LYST: variants seen among roughly 807,000 people sequenced by gnomAD.
The protein encoded by LYST is lysosomal-trafficking regulator.
In LYST, 192 loss-of-function variants were observed where a neutral mutation model predicts 413.6. The observed-to-expected ratio is 0.46, with a 90% CI of 0.41 to 0.52. The LOEUF is 0.52. LYST is among the 20% of genes least tolerant of loss of function. LYST has a pLI of 0.00. For missense variants in LYST, 3,815 were observed against 4,499.9 expected, an observed-to-expected ratio of 0.85 and a Z score of 4.35; for synonymous variants, 1,525 against 1,567.3, an observed-to-expected ratio of 0.97 and a Z score of 0.64.
intron 40 of LYST, among the ~76,000 whole-genome samples, chr1:235,717,805 A>G (rs886940127): frequency 6.6e-6 from 1 of 152,124 alleles, no homozygotes; most frequent in Non-Finnish European, 1.5e-5. Context: ...AATCATAAAA[A>G]CCTTGTTAAA....
intron 16 of LYST, among the ~76,000 whole-genome samples, chr1:235,777,694 A>C (rs961519601): frequency 9.2e-5 from 14 of 152,212 alleles, no homozygotes; most frequent in African/African-American, 3.1e-4. Context: ...AATTTATTTG[A>C]AATTTTTGCT....
At chr1:235,803,648 T>A (rs937684664) in intron 7 of LYST, among the ~76,000 whole-genome samples, 1 of 152,132 alleles carries the variant, frequency 6.6e-6, no homozygotes. Context: ...TACCTTCATT[T>A]TAGAAAACAT....
chr1:235,756,579 A>C (rs957837191), intron 24 of LYST, among the ~76,000 whole-genome samples: 1 of 152,204 alleles, frequency 6.6e-6, no homozygotes, highest in Non-Finnish European at 1.5e-5. Flanking sequence ...AGCAAACTAA[A>C]GAAAAATGAG....
intron 14 of LYST, among the ~76,000 whole-genome samples, chr1:235,784,473 C>T (rs1489048709): frequency 6.6e-6 from 1 of 152,144 alleles, no homozygotes; most frequent in African/African-American, 2.4e-5. Flanking sequence ...TGTCAGCTGA[C>T]ATAATTCAGA....
intron 22 of LYST, among the ~76,000 whole-genome samples, 176 bp from the exon 23 acceptor site, chr1:235,759,775 A>G (rs1227666375): frequency 6.6e-6 from 1 of 152,038 alleles, no homozygotes; most frequent in Non-Finnish European, 1.5e-5. Flanking sequence ...TTCTTAAGAG[A>G]CAGGGTCTTG....
At position 235,702,893 on chromosome 1, in the gene LYST, T is replaced by C. The variant is rs1193777966; in HGVS notation, c.10228A>G (p.Thr3410Ala). ...GCCATGTGGAACAGCTGACGGGGAG[T>C]CTGCCCGTAGGTTTTTATCATGGTT... ...LETMIKTYGQ[T>A]PRQLFHMAHV... The change falls in exon 45 of 53, where the codon ACT becomes GCT. Residue 3410 changes from threonine to alanine, a missense_variant. Coordinates refer to ENST00000389793, the MANE Select transcript of LYST (RefSeq NM_000081.4). The C allele has an allele frequency of 6.2e-7, 1 of 1,614,004 alleles. No individual in the cohort carries two copies. The highest frequency in any genetic ancestry group is 1.1e-5 in the South Asian group (1 of 91,074).
chr1:235,819,390 A>C (rs1038067915), intron 3 of LYST, among the ~76,000 whole-genome samples: 17 of 152,158 alleles, frequency 1.1e-4, no homozygotes, highest in African/African-American at 4.1e-4. Context: ...ATTTGTGGGC[A>C]CCCTGGCAAA....
At position 235,767,493 on chromosome 1, in the gene LYST, T is replaced by C. The variant is rs558656979; in HGVS notation, c.5923-1216A>G. On this transcript the variant is annotated intron_variant, in intron 20 of 52. Coordinates refer to ENST00000389793, the MANE Select transcript of LYST (RefSeq NM_000081.4). ...CAGAACTATTTCTGCTACAACCATCTGCATTTCTTCTAAACCATACTCCAT... is the reference window on the plus strand; with the variant it reads ...CAGAACTATTTCTGCTACAACCATCCGCATTTCTTCTAAACCATACTCCAT... 1.3e-3 allele frequency among the ~76,000 whole-genome samples: 195 copies of C among 152,234 alleles called. 3 individuals carry two copies. Among genetic ancestry groups the C allele is most frequent in the African/African-American group, 4.3e-3 (179 of 41,568 alleles).
intron 11 of LYST, among the ~76,000 whole-genome samples, chr1:235,792,394 A>T (rs1671099889): frequency 6.6e-6 from 1 of 151,864 alleles, no homozygotes; most frequent in Non-Finnish European, 1.5e-5. Flanking sequence ...GGCTCACTGC[A>T]ACCTCCGCCT....
Position 235,733,395 on chromosome 1 carries a change from T to C in LYST, c.8801+108A>G. 5.3e-6 allele frequency: 5 copies of C among 938,234 alleles called. 1 individual carries two copies. The highest frequency in any genetic ancestry group is 2.2e-4 in the Middle Eastern group (1 of 4,476). 58.1% of individuals were successfully genotyped at this position (938,234 alleles called of 1,614,324 possible). A position where few individuals can be genotyped will look rare whatever the true frequency, so the allele number is the denominator to read the frequency against. On this transcript the variant is annotated intron_variant, in intron 34 of 52. Transcript: ENST00000389793. ...TCACAAATGATTAAACAAAAAATTG[T>C]TTAATGAAATGATTTTATGAGTCTG...
chr1:235,694,304 T>C (rs181205574), intron 46 of LYST, among the ~76,000 whole-genome samples: 9 of 152,214 alleles, frequency 5.9e-5, no homozygotes, highest in Admixed American at 2.6e-4. Flanking sequence ...CTTGAGCCAC[T>C]GTGCCCAGCC....
intron 1 of LYST, among the ~76,000 whole-genome samples, chr1:235,840,923 G>A (rs927488513): frequency 2.0e-5 from 3 of 152,184 alleles, no homozygotes; most frequent in African/African-American, 2.4e-5. Context: ...GTAAGGGAGG[G>A]ATCAGGACAA....
chr1:235,880,747 T>C (rs1338484867), intron 1 of LYST, among the ~76,000 whole-genome samples: 1 of 152,198 alleles, frequency 6.6e-6, no homozygotes, highest in Non-Finnish European at 1.5e-5. Context: ...CACCCTTAAA[T>C]GTCCCTAGGA....
intron 11 of LYST, 21 bp from the exon 12 acceptor site, chr1:235,792,146 A>G: frequency 6.7e-7 from 1 of 1,499,438 alleles, no homozygotes; most frequent in Non-Finnish European, 9.3e-7. Context: ...AGAAAAACAA[A>G]TGAAACTTTC....
At chr1:235,691,899 T>C (rs1660685295) in intron 47 of LYST, among the ~76,000 whole-genome samples, 1 of 150,030 alleles carries the variant, frequency 6.7e-6, no homozygotes, top group Admixed American at 6.6e-5. Flanking sequence ...GGTTTCACCA[T>C]GTTGGCCAGG....
chr1:235,809,485 ATAAAT>A lies in LYST; in HGVS notation c.1328_1332del (p.Asn443IlefsTer2). The A allele has an allele frequency of 6.2e-7, 1 of 1,614,094 alleles. No individual in the cohort carries two copies. Among genetic ancestry groups the A allele is most frequent in the East Asian group, 2.2e-5 (1 of 44,862 alleles). On this transcript the variant is annotated frameshift_variant, in exon 5 of 53. Coordinates refer to ENST00000389793, the MANE Select transcript of LYST (RefSeq NM_000081.4). LOFTEE classifies it high-confidence loss of function. This position sits in a 1 kb window ranked among gnomAD's most constrained non-coding sequence, Gnocchi z 4.0. ...TCCATTTGAAGAACTGCTGTTTCAAATAAATTAAATCCATGATGCTGAATGAATTC... is the reference window on the plus strand; with the variant it reads ...TCCATTTGAAGAACTGCTGTTTCAAATAAATCCATGATGCTGAATGAATTC...
At chr1:235,700,462 T>C (rs1661459841) in intron 45 of LYST, among the ~76,000 whole-genome samples, 1 of 149,746 alleles carries the variant, frequency 6.7e-6, no homozygotes, top group East Asian at 1.9e-4. Context: ...TAAAGAGGAG[T>C]GCTTTATTGA....
rs1397348516 is a variant in LYST, at chr1:235,759,320, T to C, written c.6533A>G (p.Glu2178Gly). The C allele has an allele frequency of 6.2e-7, 1 of 1,614,178 alleles. No homozygotes were observed. The highest frequency in any genetic ancestry group is 2.2e-5 in the East Asian group (1 of 44,886). ...AGAGACCTGGGCTGAGAGGACAGCTTCCATTTCACAAACAGTTTTTGCAGA... is the reference window on the plus strand; with the variant it reads ...AGAGACCTGGGCTGAGAGGACAGCTCCCATTTCACAAACAGTTTTTGCAGA... ...CESAKTVCEMEAVLSAQVSVS... is the reference protein window; with the variant it reads ...CESAKTVCEMGAVLSAQVSVS... The change falls in exon 23 of 53, where the codon GAA becomes GGA. Residue 2178 changes from glutamate to glycine, a missense_variant. By Grantham distance (98) the Glu-to-Gly change is moderately conservative. This residue lies in a region of LYST where 771 missense variants were observed against 837.1 expected (regional missense o/e 0.92). Transcript: ENST00000389793.
Position 235,805,979 on chromosome 1 carries a change from C to T in LYST, c.3157G>A (p.Gly1053Ser). 1 of 1,613,458 alleles carries T rather than the reference C, an allele frequency of 6.2e-7. No homozygotes were observed. Among genetic ancestry groups the T allele is most frequent in the Admixed American group, 1.7e-5 (1 of 59,980 alleles). ...CTGTCAGCACTCTTTTTTAGACTAC[C>T]TAGTTCTGATGGTATGGGGTCACTT... is the stretch of plus-strand genomic sequence containing the variant. ...IKSDPIPSEL[G>S]SLKKSADSLG... The change falls in exon 6 of 53, where the codon GGT (glycine) becomes AGT (serine). Residue 1053 changes from glycine (G) to serine (S), a missense_variant. Transcript: ENST00000389793.
Sources: allele counts gnomAD v4.1 joint callset (sites outside exome capture counted in the v4.1 genomes callset), GRCh38; gene constraint gnomAD v4.1.1; regional missense constraint gnomAD v4.1.1; non-coding constraint Gnocchi (gnomAD v3.1); transcripts MANE v1.5; gene names NCBI Gene and HGNC (gene_info 2026-07-23, HGNC 2026-07-21).